KDM3A: variants seen among roughly 807,000 people sequenced by gnomAD.
KDM3A encodes the protein lysine demethylase 3A.
Under a neutral mutation model 158.0 loss-of-function variants are expected in KDM3A, and 60 were observed. That is an observed-to-expected ratio of 0.38 (90% CI 0.31 to 0.47). The LOEUF is 0.47. Among genes scored for constraint, KDM3A ranks in the 20% least tolerant of loss-of-function variants. The pLI is 0.99. For synonymous variants in KDM3A, 608 were observed against 549.3 expected (o/e 1.11, Z -1.49); for missense variants, 1,319 against 1,574.3 (o/e 0.84, Z 2.74).
In KDM3A at chr2:86,466,866, A is replaced by T. The variant is rs779551560; in HGVS notation, c.1502A>T (p.Asn501Ile). Residue 501 changes from asparagine to isoleucine, a missense_variant, in exon 10 of 26, where the codon AAC becomes ATC. Transcript: ENST00000312912. The part of the protein sequence containing the change: ...VDNESCCSRS[N>I]NKIQNAPSRK... ...AATGAAAGCTGTTGTTCAAGAAGCA[A>T]CAATAAAATCCAGAATGGTGAGTGT... 8 of 1,603,094 alleles carry T rather than the reference A, an allele frequency of 5.0e-6. No individual in the cohort carries two copies. In the Admixed American group the frequency reaches 1.0e-4, roughly 21 times the overall value.
rs1393521116 is a variant in KDM3A, at chr2:86,474,700, GTTGT to G, written c.1725-75_1725-72del. ...AAAAGTAATTACAAGTTGTAAATAA[GTTGT>G]GTGTGTGTGTGTGTGTGTGTGTGTG... is the stretch of plus-strand genomic sequence containing the variant. On this transcript the variant is annotated intron_variant, in intron 11 of 25. Transcript: ENST00000312912. 1.6e-5 allele frequency: 7 copies of G among 430,572 alleles called. No individual in the cohort carries two copies. In the African/African-American group the frequency reaches 2.2e-4, roughly 14 times the overall value. 26.7% of individuals were successfully genotyped at this position (430,572 alleles called of 1,614,324 possible).
At chr2:86,480,441 A>G (rs1302143843) in intron 16 of KDM3A, 79 bp downstream of exon 16, 1 of 1,260,490 alleles carries the variant, frequency 7.9e-7, no homozygotes, top group Non-Finnish European at 1.1e-6. Flanking sequence ...CAGTGGTTAG[A>G]AGTCGTGTGG....
In KDM3A at chr2:86,489,279, G is replaced by A. The variant is rs762611893; in HGVS notation, c.3314-39G>A. ...TAGTGGAAAGACTGTGGCAGCCTTT[G>A]TTGTCTTTTGTAAAACTTAAGGCAC... On this transcript the variant is annotated intron_variant, in intron 21 of 25. Coordinates refer to ENST00000312912, the MANE Select transcript of KDM3A (RefSeq NM_018433.6). 4 of 1,600,062 alleles carry A rather than the reference G, an allele frequency of 2.5e-6. No homozygotes were observed. The Admixed American group carries it at 6.8e-5, about 27-fold the overall frequency.
Position 86,481,994 on chromosome 2 carries a change from A to T in KDM3A, c.2577A>T (p.Leu859Phe). 1 of 1,614,002 alleles carries T rather than the reference A, an allele frequency of 6.2e-7. No homozygotes were observed. The highest frequency in any genetic ancestry group is 8.5e-7 in the Non-Finnish European group (1 of 1,179,878). The change falls in exon 17 of 26, where the codon TTA becomes TTT. Residue 859 changes from leucine (L) to phenylalanine (F), a missense_variant. Coordinates refer to ENST00000312912, the MANE Select transcript of KDM3A (RefSeq NM_018433.6). ...AATGCCTTCCACCCCTCCCACCTTT[A>T]AGCAAATCCAGCACAGTCCTCCATA... is the stretch of plus-strand genomic sequence containing the variant. ...EIKCLPPLPP[L>F]SKSSTVLHTF...
chr2:86,476,885 A>G (rs998146045), intron 12 of KDM3A, among the ~76,000 whole-genome samples: 2 of 152,232 alleles, frequency 1.3e-5, no homozygotes, highest in Admixed American at 1.3e-4. Context: ...GGATTAGGAA[A>G]AAGATGTTCT....
In KDM3A at chr2:86,492,404, C is replaced by T; in HGVS notation, c.*285C>T. The stretch of plus-strand genomic sequence containing the variant: ...CGTATCAGCTCTGGAACAATACCTG[C>T]AGTTATTCTTCAGCTGTTTGGACAA... On this transcript the variant is annotated 3_prime_UTR_variant, in exon 26 of 26. Coordinates refer to ENST00000312912, the MANE Select transcript of KDM3A (RefSeq NM_018433.6). 1 of 324,082 alleles carries T rather than the reference C, an allele frequency of 3.1e-6. No individual in the cohort carries two copies. Among genetic ancestry groups the T allele is most frequent in the Non-Finnish European group, 5.7e-6 (1 of 174,736 alleles). 20.1% of individuals were successfully genotyped at this position (324,082 alleles called of 1,614,324 possible). A position where few individuals can be genotyped will look rare whatever the true frequency, so the allele number is the denominator to read the frequency against.
rs201781888 is a variant in KDM3A, at chr2:86,464,021, C to A, written c.844-32C>A. The A allele has an allele frequency of 4.8e-6, 7 of 1,460,268 alleles. No homozygotes were observed. The Admixed American group carries it at 6.8e-5, about 14-fold the overall frequency. The allele number at this position is 1,460,268 out of a possible 1,614,324, so 90.5% of individuals were successfully genotyped here. A position where few individuals can be genotyped will look rare whatever the true frequency, so the allele number is the denominator to read the frequency against. On this transcript the variant is annotated intron_variant, in intron 8 of 25. Transcript: ENST00000312912. Reference sequence around the variant, plus strand: ...TTATTATTTCCTAACTAGGGACTTCCTTTTAATATCTGTTGGTTTGGTATC... The same window carrying A: ...TTATTATTTCCTAACTAGGGACTTCATTTTAATATCTGTTGGTTTGGTATC...
chr2:86,453,757 G>A (rs1672570011), intron 4 of KDM3A, among the ~76,000 whole-genome samples: 1 of 152,092 alleles, frequency 6.6e-6, no homozygotes, highest in Non-Finnish European at 1.5e-5. Context: ...TTTGTCTAAT[G>A]TTACTTGGCA....
At chr2:86,439,505 A>T (rs1452619360), upstream of KDM3A, among the ~76,000 whole-genome samples, 1 of 152,040 alleles carries the variant, frequency 6.6e-6, no homozygotes, top group African/African-American at 2.4e-5. Context: ...ATCTTTTCTA[A>T]GCTCTGAAAT....
chr2:86,451,336 A>G, intron 4 of KDM3A, 123 bp downstream of exon 4: 2 of 560,182 alleles, frequency 3.6e-6, no homozygotes, highest in Non-Finnish European at 6.1e-6. Flanking sequence ...CTTGCACAGT[A>G]AAACATCTAC....
chr2:86,469,701 G>GACTCCAT (rs1673317522), intron 10 of KDM3A, among the ~76,000 whole-genome samples: 3 of 152,154 alleles, frequency 2.0e-5, no homozygotes, highest in African/African-American at 7.2e-5. Flanking sequence ...CATAGACCCA[G>GACTCCAT]GGGCTACGTA....
chr2:86,474,746 T>C, intron 11 of KDM3A, 30 bp from the exon 12 acceptor site: 1 of 1,022,588 alleles, frequency 9.8e-7, no homozygotes, highest in South Asian at 1.3e-5. Flanking sequence ...TGTGTGTACA[T>C]TACATCTTTT....
intron 5 of KDM3A, 151 bp downstream of exon 5, chr2:86,455,338 C>A: frequency 1.8e-6 from 1 of 554,532 alleles, no homozygotes. Context: ...GGCTGGAGTG[C>A]CAGTGGTGCT....
intron 18 of KDM3A, 63 bp downstream of exon 18, chr2:86,482,757 C>T: frequency 1.3e-6 from 2 of 1,489,368 alleles, no homozygotes; most frequent in Non-Finnish European, 1.8e-6. Flanking sequence ...CTTTAGCAGA[C>T]TTCTGACAAC....
In KDM3A at chr2:86,489,620, T is replaced by C. The variant is rs1348193451; in HGVS notation, c.3534T>C (p.Ala1178=). 1 of 1,613,724 alleles carries C rather than the reference T, an allele frequency of 6.2e-7. No individual in the cohort carries two copies. ...CAGGAGCACTGTGGCACATATATGCTGCAAAGGACACGGAGAAGATAAGGG... is the reference window on the plus strand; with the variant it reads ...CAGGAGCACTGTGGCACATATATGCCGCAAAGGACACGGAGAAGATAAGGG... ...EKPGALWHIY[A]AKDTEKIREF... The change falls in exon 23 of 26, where the codon GCT becomes GCC. Residue 1178 remains alanine, a synonymous_variant. Coordinates refer to ENST00000312912, the MANE Select transcript of KDM3A (RefSeq NM_018433.6).
intron 23 of KDM3A, 97 bp downstream of exon 23, chr2:86,489,756 C>T: frequency 2.2e-6 from 3 of 1,367,124 alleles, no homozygotes; most frequent in Non-Finnish European, 3.0e-6. Context: ...GGGGAATTGT[C>T]ACAACCTGAA....
Position 86,470,381 on chromosome 2 carries a change from T to G in KDM3A, c.1697T>G (p.Val566Gly). The G allele has an allele frequency of 6.2e-7, 1 of 1,614,050 alleles. No homozygotes were observed. Among genetic ancestry groups the G allele is most frequent in the Non-Finnish European group, 8.5e-7 (1 of 1,179,936 alleles). ...KDKEQQKDSP[V>G]FCRFFHFRRL... ...AAGGAGCAACAGAAGGACTCACCTG[T>G]GTTTTGCCGCTTCTTTCACTTCAGG... Residue 566 changes from valine to glycine, a missense_variant, in exon 11 of 26, where the codon GTG becomes GGG. Around this residue, in one of 4 missense-constraint regions of KDM3A, gnomAD observed 113 missense variants for 190.5 expected, o/e 0.59. Coordinates refer to ENST00000312912, the MANE Select transcript of KDM3A (RefSeq NM_018433.6).
chr2:86,456,715 A>G, intron 6 of KDM3A, 90 bp from the exon 7 acceptor site: 1 of 1,262,426 alleles, frequency 7.9e-7, no homozygotes. Context: ...ATTCATAAGA[A>G]GCTCCTATTG....
chr2:86,454,224 A>T (rs1319204922), intron 4 of KDM3A, among the ~76,000 whole-genome samples: 1 of 152,220 alleles, frequency 6.6e-6, no homozygotes, highest in Admixed American at 6.5e-5. Flanking sequence ...GTTTCTTACC[A>T]GGAAGGGAGC....
Sources: gnomAD v4.1 joint callset for allele counts (sites outside exome capture counted in the v4.1 genomes callset) on GRCh38, gnomAD v4.1.1 for gene constraint, gnomAD v4.1.1 regional missense constraint, MANE v1.5 for transcripts, NCBI Gene and HGNC (gene_info 2026-07-23, HGNC 2026-07-21) for gene names.